Variants in GABBR2 observed in about 807,000 individuals in gnomAD.
GABBR2 encodes G-protein coupled receptor 51.
In GABBR2, 23 loss-of-function variants were observed where a neutral mutation model predicts 105.6. That is an observed-to-expected ratio of 0.22 (90% CI 0.16 to 0.31). The LOEUF (loss-of-function observed/expected upper bound fraction) is 0.31, where lower values mean the gene tolerates loss of function less well. GABBR2 is among the 10% of genes least tolerant of loss of function. GABBR2 has a pLI of 1.00. For synonymous variants in GABBR2, 478 were observed against 499.7 expected, an observed-to-expected ratio of 0.96 and a Z score of 0.58; for missense variants, 734 against 1,245.5, an observed-to-expected ratio of 0.59 and a Z score of 6.18.
intron 7 of GABBR2, among the ~76,000 whole-genome samples, chr9:98,417,692 T>C (rs1359393441): frequency 1.3e-5 from 2 of 152,134 alleles, no homozygotes; most frequent in African/African-American, 4.8e-5. Context: ...GACAAAATCG[T>C]TGTCTTCTAG....
intron 7 of GABBR2, among the ~76,000 whole-genome samples, chr9:98,444,463 C>T (rs1222056075): frequency 6.6e-6 from 1 of 151,958 alleles, no homozygotes; most frequent in Non-Finnish European, 1.5e-5. Context: ...CCACCATATT[C>T]AATAATAAGG....
chr9:98,390,605 G>A (rs748680616), intron 9 of GABBR2, among the ~76,000 whole-genome samples: 5 of 151,892 alleles, frequency 3.3e-5, no homozygotes, highest in African/African-American at 9.7e-5. Flanking sequence ...GGAGATGGAG[G>A]TAACATCATT....
At chr9:98,464,428 T>A (rs59511105) in intron 6 of GABBR2, among the ~76,000 whole-genome samples, 7,312 of 142,110 alleles carry the variant, frequency 0.051, 225 homozygotes, top group East Asian at 0.15. Flanking sequence ...GGAGCGCCTC[T>A]GGCCGGCTGC....
chr9:98,399,351 C>CAAA (rs56407615), intron 8 of GABBR2, among the ~76,000 whole-genome samples: 13 of 98,380 alleles, frequency 1.3e-4, no homozygotes, highest in African/African-American at 2.5e-4. Context: ...GACTCCATCT[C>CAAA]AAAAAAAAAA....
chr9:98,495,209 G>A (rs1175620572), intron 4 of GABBR2, among the ~76,000 whole-genome samples: 2 of 152,238 alleles, frequency 1.3e-5, no homozygotes, highest in African/African-American at 2.4e-5. Flanking sequence ...TGCTCTGGAG[G>A]AGGTGGTAGA....
chr9:98,349,924 T>G (rs1443069125), intron 13 of GABBR2, among the ~76,000 whole-genome samples: 1 of 152,306 alleles, frequency 6.6e-6, no homozygotes, highest in East Asian at 1.9e-4. Flanking sequence ...TTCAATTCTG[T>G]TACTCATTAT....
chr9:98,474,845 GA>G (rs1826754935), intron 5 of GABBR2, among the ~76,000 whole-genome samples: 1 of 152,278 alleles, frequency 6.6e-6, no homozygotes, highest in African/African-American at 2.4e-5. Context: ...CTAACAGTCA[GA>G]GGGGCACTCT....
chr9:98,486,463 C>T (rs931821751), intron 4 of GABBR2, among the ~76,000 whole-genome samples: 2 of 152,206 alleles, frequency 1.3e-5, no homozygotes, highest in East Asian at 1.9e-4. Context: ...GCCCTCCAGC[C>T]AGCCTTCCTT....
intron 11 of GABBR2, among the ~76,000 whole-genome samples, chr9:98,385,108 C>T (rs73497005): frequency 0.05 from 7,603 of 152,214 alleles, 670 homozygotes; most frequent in African/African-American, 0.17. Context: ...TGACCCTTGG[C>T]GCTGATGCTT....
intron 12 of GABBR2, among the ~76,000 whole-genome samples, chr9:98,365,238 A>G (rs1274980583): frequency 1.3e-5 from 2 of 152,224 alleles, no homozygotes; most frequent in Non-Finnish European, 2.9e-5. Context: ...TAAATTGTAC[A>G]GTTAGTATAA....
chr9:98,660,515 A>G (rs967997509), intron 1 of GABBR2, among the ~76,000 whole-genome samples: 4 of 152,194 alleles, frequency 2.6e-5, no homozygotes, highest in African/African-American at 9.6e-5. Flanking sequence ...CCAATTGTAT[A>G]TATTCTTTGG....
At chr9:98,383,156 G>T (rs1001425215) in intron 11 of GABBR2, among the ~76,000 whole-genome samples, 1 of 152,116 alleles carries the variant, frequency 6.6e-6, no homozygotes, top group Non-Finnish European at 1.5e-5. Flanking sequence ...GGTCAGGCTG[G>T]TCTTGAACTC....
intron 1 of GABBR2, among the ~76,000 whole-genome samples, chr9:98,701,538 G>A (rs943122644): frequency 6.6e-5 from 10 of 152,116 alleles, no homozygotes; most frequent in Admixed American, 6.5e-4. Context: ...CCCAGAGGGT[G>A]CTAACTCAGA....
chr9:98,633,916 G>A lies in GABBR2; in HGVS notation c.322-55844C>T, dbSNP rs186633929. On this transcript the variant is annotated intron_variant, in intron 1 of 18. Coordinates refer to ENST00000259455, the MANE Select transcript of GABBR2 (RefSeq NM_005458.8). Reference sequence around the variant, plus strand: ...GCCGGTTGGGAGCTGTCTACCAGAAGCATGGCCTCAGCATGAACATGGTAA... The same window carrying A: ...GCCGGTTGGGAGCTGTCTACCAGAAACATGGCCTCAGCATGAACATGGTAA... Among the ~76,000 whole-genome samples, 40 of 152,286 alleles carry A rather than the reference G, an allele frequency of 2.6e-4. 1 individual carries two copies. Among genetic ancestry groups the A allele is most frequent in the African/African-American group, 8.2e-4 (34 of 41,562 alleles).
At chr9:98,382,061 T>C (rs1242131908) in intron 11 of GABBR2, among the ~76,000 whole-genome samples, 1 of 152,118 alleles carries the variant, frequency 6.6e-6, no homozygotes, top group Non-Finnish European at 1.5e-5. Flanking sequence ...AGAGAGTTTC[T>C]AAAGGCTGGG....
intron 1 of GABBR2, among the ~76,000 whole-genome samples, chr9:98,640,088 GT>G (rs1002822757): frequency 4.8e-5 from 7 of 147,292 alleles, no homozygotes; most frequent in African/African-American, 1.5e-4. Context: ...TATTTGAATA[GT>G]TTTTAAAGTT....
chr9:98,364,219 C>A (rs1231967905), intron 12 of GABBR2, among the ~76,000 whole-genome samples: 1 of 152,182 alleles, frequency 6.6e-6, no homozygotes, highest in Non-Finnish European at 1.5e-5. Flanking sequence ...CCCAGCTTAA[C>A]TCTCACCCTC....
At chr9:98,540,372 A>G (rs1828270314) in intron 3 of GABBR2, among the ~76,000 whole-genome samples, 1 of 152,262 alleles carries the variant, frequency 6.6e-6, no homozygotes, top group Non-Finnish European at 1.5e-5. Context: ...GCAGGGAGGC[A>G]TGCAAGAAGT....
intron 2 of GABBR2, among the ~76,000 whole-genome samples, chr9:98,558,881 G>A (rs1024847037): frequency 4.6e-5 from 7 of 152,212 alleles, no homozygotes; most frequent in Non-Finnish European, 1.0e-4. Flanking sequence ...GATCTCAATA[G>A]TACAGTTCTA....
Sources: allele counts gnomAD v4.1 joint callset (sites outside exome capture counted in the v4.1 genomes callset), GRCh38; gene constraint gnomAD v4.1.1; transcripts MANE v1.5; gene names NCBI Gene and HGNC (gene_info 2026-07-23, HGNC 2026-07-21).